KCNH8: variants seen among roughly 807,000 people sequenced by gnomAD.
KCNH8 encodes voltage-gated delayed rectifier potassium channel KCNH8.
A neutral mutation model predicts 103.6 loss-of-function variants in KCNH8; 70 were observed. That is an observed-to-expected ratio of 0.68 (90% CI 0.56 to 0.82). KCNH8 has a LOEUF of 0.82. Ranked by LOEUF, KCNH8 falls within the 40% of genes least tolerant of loss-of-function variation. The pLI is 0.00. For synonymous variants in KCNH8, 498 were observed against 489.4 expected, an observed-to-expected ratio of 1.02 and a Z score of -0.23; for missense variants, 1,217 against 1,329.9, an observed-to-expected ratio of 0.92 and a Z score of 1.32.
chr3:19,527,372 T>C (rs2069083210), intron 15 of KCNH8, among the ~76,000 whole-genome samples: 1 of 152,106 alleles, frequency 6.6e-6, no homozygotes, highest in Non-Finnish European at 1.5e-5. Flanking sequence ...GCAGAAGTTC[T>C]CTACCAAGCT....
At chr3:19,255,522 A>G (rs2064335702) in intron 2 of KCNH8, among the ~76,000 whole-genome samples, 1 of 152,050 alleles carries the variant, frequency 6.6e-6, no homozygotes, top group South Asian at 2.1e-4. Flanking sequence ...GTGGTAAGAG[A>G]GAGCATCCTC....
At chr3:19,417,453 C>A (rs1323127753) in intron 7 of KCNH8, among the ~76,000 whole-genome samples, 1 of 151,550 alleles carries the variant, frequency 6.6e-6, no homozygotes, top group African/African-American at 2.4e-5. Context: ...GGACCTTATT[C>A]TTGCTCGGAA....
chr3:19,229,657 T>C (rs1394244600), intron 1 of KCNH8, among the ~76,000 whole-genome samples: 1 of 152,256 alleles, frequency 6.6e-6, no homozygotes, highest in African/African-American at 2.4e-5. Flanking sequence ...GGCTGTGACA[T>C]GCCCTGGAGA....
chr3:19,242,640 C>T lies in KCNH8; in HGVS notation c.77-11014C>T, dbSNP rs1033053785. 4.2e-4 allele frequency among the ~76,000 whole-genome samples: 64 copies of T among 152,066 alleles called. 1 individual carries two copies. Among genetic ancestry groups the T allele is most frequent in the Admixed American group, 3.4e-3 (52 of 15,256 alleles). ...TATCCCCCTTCCCACACTGGAGCTG[C>T]GGAATATAATCTGAACCCCCTTCCA... On this transcript the variant is annotated intron_variant, in intron 1 of 15. Coordinates refer to ENST00000328405, the MANE Select transcript of KCNH8 (RefSeq NM_144633.3).
At chr3:19,340,578 T>C (rs2065647309) in intron 3 of KCNH8, among the ~76,000 whole-genome samples, 1 of 152,142 alleles carries the variant, frequency 6.6e-6, no homozygotes, top group South Asian at 2.1e-4. Context: ...TTATTTTTCT[T>C]GAACAGTAGC....
At chr3:19,477,820 A>G (rs1391381920) in intron 11 of KCNH8, among the ~76,000 whole-genome samples, 1 of 152,206 alleles carries the variant, frequency 6.6e-6, no homozygotes, top group East Asian at 1.9e-4. Flanking sequence ...CAGATTCCTT[A>G]CATTCATATA....
chr3:19,365,601 T>A (rs771096350), intron 5 of KCNH8, among the ~76,000 whole-genome samples: 35 of 152,066 alleles, frequency 2.3e-4, no homozygotes, highest in Non-Finnish European at 3.7e-4. Flanking sequence ...ATTTACTAAC[T>A]AAGCAAATAC....
intron 7 of KCNH8, among the ~76,000 whole-genome samples, chr3:19,396,830 A>G (rs1162721354): frequency 2.6e-5 from 4 of 152,008 alleles, no homozygotes; most frequent in Non-Finnish European, 5.9e-5. Flanking sequence ...AGTAAATTAC[A>G]GCATTAGATC....
rs771547106 is a variant in KCNH8, at chr3:19,390,494, T to C, written c.825T>C (p.Asn275=). ...TTTCCCAAGCAGATATTATTTTAAA[T>C]TTCCGAACAACTTATGTCAGCAAGT... The part of the protein sequence containing the change: ...EILFIIDIIL[N]FRTTYVSKSG... The change falls in exon 6 of 16, where the codon AAT becomes AAC. Residue 275 remains asparagine (N), a synonymous_variant. Transcript: ENST00000328405. 2 of 1,611,552 alleles carry C rather than the reference T, an allele frequency of 1.2e-6. No individual in the cohort carries two copies. Among genetic ancestry groups the C allele is most frequent in the Non-Finnish European group, 1.7e-6 (2 of 1,178,586 alleles).
At chr3:19,301,763 C>G (rs763862397) in intron 3 of KCNH8, among the ~76,000 whole-genome samples, 1 of 152,186 alleles carries the variant, frequency 6.6e-6, no homozygotes, top group African/African-American at 2.4e-5. Flanking sequence ...GTTACACACC[C>G]TTCTGTCCAA....
At chr3:19,223,307 C>G (rs1364323561) in intron 1 of KCNH8, among the ~76,000 whole-genome samples, 1 of 152,116 alleles carries the variant, frequency 6.6e-6, no homozygotes, top group Non-Finnish European at 1.5e-5. Flanking sequence ...CTACCTCTCT[C>G]CTTTATGAAG....
intron 7 of KCNH8, among the ~76,000 whole-genome samples, chr3:19,426,924 C>G: frequency 6.6e-6 from 1 of 152,086 alleles, no homozygotes; most frequent in Non-Finnish European, 1.5e-5. Flanking sequence ...ACCTCCTTTC[C>G]TTTCCCTTTT....
chr3:19,368,842 GCTGT>G (rs1350204508), intron 5 of KCNH8, among the ~76,000 whole-genome samples: 5 of 151,932 alleles, frequency 3.3e-5, no homozygotes, highest in Non-Finnish European at 7.4e-5. Context: ...AATGTGAGAT[GCTGT>G]CTAATTTTAA....
chr3:19,243,452 T>TA (rs1430742178), intron 1 of KCNH8, among the ~76,000 whole-genome samples: 1 of 152,204 alleles, frequency 6.6e-6, no homozygotes, highest in African/African-American at 2.4e-5. Flanking sequence ...TTACTTAACT[T>TA]ACAATTATCT....
intron 1 of KCNH8, among the ~76,000 whole-genome samples, chr3:19,201,987 A>C (rs909728245): frequency 6.6e-6 from 1 of 152,176 alleles, no homozygotes; most frequent in African/African-American, 2.4e-5. Flanking sequence ...AGTAAAACTT[A>C]AGGTCAATTG....
At chr3:19,291,932 T>C (rs1280382067) in intron 3 of KCNH8, among the ~76,000 whole-genome samples, 2 of 152,238 alleles carry the variant, frequency 1.3e-5, no homozygotes, top group Non-Finnish European at 2.9e-5. Context: ...GTAAATACTT[T>C]CTTATTAATT....
chr3:19,437,243 T>TAGAG (rs56924871), intron 7 of KCNH8, among the ~76,000 whole-genome samples: 11,840 of 152,106 alleles, frequency 0.078, 926 homozygotes, highest in East Asian at 0.25. Flanking sequence ...AACACACACA[T>TAGAG]AGAGAAAGAA....
chr3:19,404,843 T>C (rs1363723649), intron 7 of KCNH8, among the ~76,000 whole-genome samples: 1 of 151,930 alleles, frequency 6.6e-6, no homozygotes, highest in Non-Finnish European at 1.5e-5. Flanking sequence ...ACTAATTAAA[T>C]ATAGCATTTT....
intron 1 of KCNH8, among the ~76,000 whole-genome samples, chr3:19,211,570 A>C (rs1465482576): frequency 1.3e-5 from 2 of 152,182 alleles, no homozygotes; most frequent in African/African-American, 4.8e-5. Flanking sequence ...AATTCTCTTC[A>C]AAATTTTTTT....
Sources: allele counts gnomAD v4.1 joint callset (sites outside exome capture counted in the v4.1 genomes callset), GRCh38; gene constraint gnomAD v4.1.1; transcripts MANE v1.5; gene names NCBI Gene and HGNC (gene_info 2026-07-23, HGNC 2026-07-21).